Variants in ARHGAP5 observed in about 807,000 individuals in gnomAD.
The protein encoded by ARHGAP5 is rho GTPase-activating protein 5.
A neutral mutation model predicts 116.6 loss-of-function variants in ARHGAP5; 23 were observed. That is an observed-to-expected ratio of 0.20 (90% CI 0.14 to 0.28). The LOEUF is 0.28. Among genes scored for constraint, ARHGAP5 ranks in the 10% least tolerant of loss-of-function variants. The pLI is 1.00. For synonymous variants in ARHGAP5, 574 were observed against 602.0 expected (o/e 0.95, Z 0.68); for missense variants, 1,405 against 1,774.8 (o/e 0.79, Z 3.74).
chr14:32,112,815 G>A lies in ARHGAP5; in HGVS notation c.3718-4325G>A, dbSNP rs146557309. On this transcript the variant is annotated intron_variant, in intron 2 of 6. Coordinates refer to ENST00000345122, the MANE Select transcript of ARHGAP5 (RefSeq NM_001030055.2). ...GAACCCGGAAGGCGGAGCTTGCAGT[G>A]AGCAGAGATGGCGCCACTGCACTCC... is the stretch of plus-strand genomic sequence containing the variant. Among the ~76,000 whole-genome samples the A allele has an allele frequency of 1.8e-3, 278 of 151,906 alleles. 1 individual carries two copies. Among genetic ancestry groups the A allele is most frequent in the African/African-American group, 6.4e-3 (267 of 41,442 alleles).
intron 2 of ARHGAP5, among the ~76,000 whole-genome samples, chr14:32,101,897 C>T (rs1878808515): frequency 6.6e-6 from 1 of 151,990 alleles, no homozygotes. Context: ...GCAGGAGAAT[C>T]GCCTGAACCC....
intron 2 of ARHGAP5, among the ~76,000 whole-genome samples, chr14:32,095,881 T>C (rs531480406): frequency 6.6e-6 from 1 of 152,242 alleles, no homozygotes; most frequent in Non-Finnish European, 1.5e-5. Flanking sequence ...CTAAAACTAC[T>C]TAATGTTTAT....
rs1881850429 is a variant in ARHGAP5 at position 32,155,419 on chromosome 14, A to G, written c.*471A>G. 1 of 153,404 alleles carries G rather than the reference A, an allele frequency of 6.5e-6. No homozygotes were observed. The allele number at this position is 153,404 out of a possible 1,614,324, so 9.5% of individuals were successfully genotyped here. A position where few individuals can be genotyped will look rare whatever the true frequency, so the allele number is the denominator to read the frequency against. The stretch of plus-strand genomic sequence containing the variant: ...GTGTAGATAACTAAAAGCCCAGTTA[A>G]GTATTTTATAATTTCAGGCTACTGA... On this transcript the variant is annotated 3_prime_UTR_variant, in exon 7 of 7. Coordinates refer to ENST00000345122, the MANE Select transcript of ARHGAP5 (RefSeq NM_001030055.2).
chr14:32,149,974 C>T lies in ARHGAP5; in HGVS notation c.4016C>T (p.Ala1339Val). Reference sequence around the variant, plus strand: ...GCTGGAGCCCTTAAAGCTTTCTTTGCAGATCTGCCAGATCCTTTAATTCCA... The same window carrying T: ...GCTGGAGCCCTTAAAGCTTTCTTTGTAGATCTGCCAGATCCTTTAATTCCA... The part of the protein sequence containing the change: ...AVAGALKAFF[A>V]DLPDPLIPYS... Residue 1339 changes from alanine (A) to valine (V), a missense_variant, in exon 5 of 7, where the codon GCA becomes GTA. Physicochemically the swap from Ala to Val is moderately conservative, Grantham distance 64 (BLOSUM62 0). Transcript: ENST00000345122. 6.2e-7 allele frequency: 1 copy of T among 1,608,276 alleles called. No homozygotes were observed. Among genetic ancestry groups the T allele is most frequent in the Non-Finnish European group, 8.5e-7 (1 of 1,177,024 alleles).
intron 3 of ARHGAP5, among the ~76,000 whole-genome samples, chr14:32,119,610 T>C (rs1212042288): frequency 6.6e-6 from 1 of 152,150 alleles, no homozygotes; most frequent in Non-Finnish European, 1.5e-5. Context: ...TGTTTTATTA[T>C]TTTATTAAGT....
intron 3 of ARHGAP5, among the ~76,000 whole-genome samples, chr14:32,131,778 C>G (rs918423889): frequency 1.3e-5 from 2 of 152,140 alleles, no homozygotes; most frequent in African/African-American, 4.8e-5. Flanking sequence ...TGTTCCCCTT[C>G]CTGTGTCCAC....
intron 3 of ARHGAP5, among the ~76,000 whole-genome samples, chr14:32,131,708 A>G (rs989065116): frequency 6.6e-6 from 1 of 152,170 alleles, no homozygotes; most frequent in Non-Finnish European, 1.5e-5. Flanking sequence ...AGCATCAGGT[A>G]TATCTCCTAA....
At chr14:32,111,735 A>G (rs568348038) in intron 2 of ARHGAP5, among the ~76,000 whole-genome samples, 3 of 150,696 alleles carry the variant, frequency 2.0e-5, no homozygotes, top group Non-Finnish European at 4.4e-5. Flanking sequence ...CTTTTCAATT[A>G]TATTGAATCT....
chr14:32,128,790 T>C (rs138159959), intron 3 of ARHGAP5, among the ~76,000 whole-genome samples: 124 of 152,386 alleles, frequency 8.1e-4, no homozygotes, highest in African/African-American at 2.6e-3. Flanking sequence ...TGAAGACTTT[T>C]GCATCTATAT....
intron 3 of ARHGAP5, among the ~76,000 whole-genome samples, chr14:32,120,360 G>A (rs1879821946): frequency 6.6e-6 from 1 of 151,766 alleles, no homozygotes; most frequent in Non-Finnish European, 1.5e-5. Flanking sequence ...CAAAGGACTA[G>A]CTTTTGCTTT....
At position 32,093,446 on chromosome 14, in the gene ARHGAP5, G is replaced by A. The variant is rs148845374; in HGVS notation, c.2777G>A (p.Arg926Gln). Reference protein sequence around the residue: ...TALYSLSQYHRQTEVFTLFFS... With the variant: ...TALYSLSQYHQQTEVFTLFFS... ...CTGTATTCTTTATCTCAGTATCATC[G>A]GCAAACTGAGGTCTTTACTCTGTTT... The change falls in exon 2 of 7, where the codon CGG (arginine) becomes CAG (glutamine). Residue 926 changes from arginine to glutamine, a missense_variant. Transcript: ENST00000345122. 3.0e-5 allele frequency: 48 copies of A among 1,613,102 alleles called. No homozygotes were observed. Among genetic ancestry groups the A allele is most frequent in the Non-Finnish European group, 3.9e-5 (46 of 1,179,738 alleles).
chr14:32,116,288 C>CA (rs1183133614), intron 2 of ARHGAP5, among the ~76,000 whole-genome samples: 68 of 141,008 alleles, frequency 4.8e-4, no homozygotes, highest in African/African-American at 9.8e-4. Flanking sequence ...GACTCCCTCT[C>CA]AAAAAAAAAT....
At chr14:32,078,483 T>C (rs1478934958) in intron 1 of ARHGAP5, among the ~76,000 whole-genome samples, 1 of 152,232 alleles carries the variant, frequency 6.6e-6, no homozygotes, top group African/African-American at 2.4e-5. Context: ...AAGTTTAAAT[T>C]CTTATCGATC....
At chr14:32,145,291 T>A (rs1372738738) in intron 3 of ARHGAP5, among the ~76,000 whole-genome samples, 1 of 152,180 alleles carries the variant, frequency 6.6e-6, no homozygotes, top group Non-Finnish European at 1.5e-5. Flanking sequence ...TGTTACTGAT[T>A]GGCAGCAGTA....
At chr14:32,111,457 C>G (rs1440040277) in intron 2 of ARHGAP5, among the ~76,000 whole-genome samples, 1 of 152,158 alleles carries the variant, frequency 6.6e-6, no homozygotes, top group Non-Finnish European at 1.5e-5. Flanking sequence ...TTATAGAAAA[C>G]AGTCTTTGGT....
intron 2 of ARHGAP5, among the ~76,000 whole-genome samples, chr14:32,102,739 T>C (rs539625841): frequency 6.6e-6 from 1 of 152,368 alleles, no homozygotes; most frequent in African/African-American, 2.4e-5. Flanking sequence ...GTGTGATCAG[T>C]TGAAGTCAGC....
chr14:32,131,445 A>G (rs1317673419), intron 3 of ARHGAP5, among the ~76,000 whole-genome samples: 1 of 152,038 alleles, frequency 6.6e-6, no homozygotes, highest in African/African-American at 2.4e-5. Flanking sequence ...TGTGCACCCA[A>G]TCTCTAGAAC....
At position 32,093,517 on chromosome 14, in the gene ARHGAP5, T is replaced by A. The variant is rs1188902010; in HGVS notation, c.2848T>A (p.Leu950Met). The A allele has an allele frequency of 6.2e-7, 1 of 1,613,230 alleles. No individual in the cohort carries two copies. Among genetic ancestry groups the A allele is most frequent in the Non-Finnish European group, 8.5e-7 (1 of 1,179,774 alleles). ...AAAAAATATGATAGAAAATTCTTAT[T>A]TGTCTGATAATACAAGGGAATCAAC... The part of the protein sequence containing the change: ...EKKNMIENSY[L>M]SDNTRESTHQ... Residue 950 changes from leucine (L) to methionine (M), a missense_variant, in exon 2 of 7, where the codon TTG becomes ATG. Transcript: ENST00000345122.
chr14:32,083,026 A>G (rs1463671000), intron 1 of ARHGAP5, among the ~76,000 whole-genome samples: 1 of 152,228 alleles, frequency 6.6e-6, no homozygotes, highest in Non-Finnish European at 1.5e-5. Context: ...TATATGTTCA[A>G]AACAGTATTT....
Sources: gnomAD v4.1 joint callset for allele counts (sites outside exome capture counted in the v4.1 genomes callset) on GRCh38, gnomAD v4.1.1 for gene constraint, MANE v1.5 for transcripts, NCBI Gene and HGNC (gene_info 2026-07-23, HGNC 2026-07-21) for gene names.